The following GGTA1 variants were observed in gnomAD, a reference collection of about 807,000 sequenced individuals.
GGTA1 encodes inactive N-acetyllactosaminide alpha-1,3-galactosyltransferase.
A neutral mutation model predicts 2.6 loss-of-function variants in GGTA1; 5 were observed. That is an observed-to-expected ratio of 1.92 (90% CI 1.00 to 4.04). GGTA1 has a LOEUF of 4.04. Ranked by LOEUF, GGTA1 falls within the 30% of genes most tolerant of loss-of-function variation. The probability of loss-of-function intolerance (pLI) is 0.00; values close to 1 mark genes in which losing one functional copy is unlikely to be tolerated. For synonymous variants in GGTA1, 17 were observed against 5.0 expected (o/e 3.38, Z -3.19); for missense variants, 50 against 16.7 (o/e 2.99, Z -3.47).
Position 121,483,518 on chromosome 9 carries a change from G to A in GGTA1, c.-9-15587C>T, listed in dbSNP as rs76328533. ...TTCCTTAATTGAAAGCCAGAGAACC[G>A]TAGCAAATGAGCCTCGGGCTGGAGT... On this transcript the variant is annotated intron_variant, in intron 1 of 5. Coordinates refer to ENST00000481799, the MANE Select transcript of GGTA1 (RefSeq NM_001382585.1). 5.8e-3 allele frequency among the ~76,000 whole-genome samples: 877 copies of A among 152,300 alleles called. 8 individuals are homozygous for A. Among genetic ancestry groups the A allele is most frequent in the African/African-American group, 0.02 (817 of 41,564 alleles).
downstream of GGTA1, among the ~76,000 whole-genome samples, chr9:121,453,338 G>A (rs2064887970): frequency 6.6e-6 from 1 of 152,232 alleles, no homozygotes; most frequent in Non-Finnish European, 1.5e-5. Flanking sequence ...TGCTCAGAGA[G>A]CTGGAATGGG....
intron 2 of GGTA1, among the ~76,000 whole-genome samples, chr9:121,464,239 A>G (rs1407985438): frequency 1.3e-5 from 2 of 151,968 alleles, no homozygotes; most frequent in South Asian, 2.1e-4. Context: ...TGCCTGGTAC[A>G]TAGTGGATAC....
chr9:121,480,933 C>T (rs970695088), intron 1 of GGTA1, among the ~76,000 whole-genome samples: 8 of 151,858 alleles, frequency 5.3e-5, no homozygotes, highest in Non-Finnish European at 1.2e-4. Context: ...GCGGGTGGAC[C>T]ATGAGGTCAG....
At chr9:121,492,101 G>T (rs751259640) in intron 1 of GGTA1, among the ~76,000 whole-genome samples, 3 of 152,196 alleles carry the variant, frequency 2.0e-5, no homozygotes, top group Non-Finnish European at 4.4e-5. Context: ...TTCACAATAT[G>T]AGTCTCTGGA....
chr9:121,457,657 C>T (rs539593870), intron 5 of GGTA1, among the ~76,000 whole-genome samples: 1 of 149,564 alleles, frequency 6.7e-6, no homozygotes, highest in Non-Finnish European at 1.5e-5. Context: ...GCCGAGATTG[C>T]GCCACTGCAC....
At chr9:121,448,589 G>A (rs2064863113) in intron 7 of GGTA1, among the ~76,000 whole-genome samples, 1 of 152,122 alleles carries the variant, frequency 6.6e-6, no homozygotes, top group African/African-American at 2.4e-5. Context: ...CGGTGGCTGA[G>A]TAAATGTAGA....
chr9:121,487,364 T>A (rs541560026), intron 1 of GGTA1, among the ~76,000 whole-genome samples: 1 of 151,166 alleles, frequency 6.6e-6, no homozygotes, highest in South Asian at 2.1e-4. Flanking sequence ...GATCATGAGG[T>A]CAGGAGTTCG....
chr9:121,487,743 T>G (rs1828791781), intron 1 of GGTA1, among the ~76,000 whole-genome samples: 1 of 152,140 alleles, frequency 6.6e-6, no homozygotes, highest in Admixed American at 6.6e-5. Context: ...TGAGGTGGAA[T>G]CTCGTTCTGT....
At chr9:121,463,184 G>T in intron 3 of GGTA1, 109 bp downstream of exon 3, 1 of 424,766 alleles carries the variant, frequency 2.4e-6, no homozygotes. Flanking sequence ...CCACCCCTCC[G>T]ACTTTGGCCG....
intron 5 of GGTA1, among the ~76,000 whole-genome samples, chr9:121,456,493 C>T (rs990176157): frequency 2.0e-5 from 3 of 151,950 alleles, no homozygotes; most frequent in South Asian, 4.1e-4. Flanking sequence ...TCTTGGCTTA[C>T]TGCAACCTCT....
chr9:121,461,230 G>C (rs897223168), intron 4 of GGTA1, 22 bp downstream of exon 4: 17 of 455,876 alleles, frequency 3.7e-5, no homozygotes, highest in African/African-American at 3.2e-4. Flanking sequence ...GGCAAACACC[G>C]ACTGCTGTCT....
intron 1 of GGTA1, among the ~76,000 whole-genome samples, chr9:121,492,483 T>C (rs1828890380): frequency 6.6e-6 from 1 of 152,128 alleles, no homozygotes; most frequent in Non-Finnish European, 1.5e-5. Flanking sequence ...TTTATTTATT[T>C]TATTTTTGAG....
chr9:121,473,836 G>C (rs1273651932), intron 1 of GGTA1, among the ~76,000 whole-genome samples: 1 of 151,850 alleles, frequency 6.6e-6, no homozygotes, highest in African/African-American at 2.4e-5. Flanking sequence ...AGGATCACTA[G>C]AGCTTGGGAA....
At chr9:121,460,803 C>A (rs1303936064) in intron 4 of GGTA1, among the ~76,000 whole-genome samples, 3 of 152,130 alleles carry the variant, frequency 2.0e-5, no homozygotes, top group African/African-American at 7.2e-5. Flanking sequence ...CGAGACCACG[C>A]CACTGCACTC....
At chr9:121,482,614 T>C (rs981758974) in intron 1 of GGTA1, among the ~76,000 whole-genome samples, 2 of 151,704 alleles carry the variant, frequency 1.3e-5, no homozygotes, top group Non-Finnish European at 2.9e-5. Flanking sequence ...ACTAAAAATA[T>C]AAAAATTAGC....
intron 1 of GGTA1, among the ~76,000 whole-genome samples, chr9:121,481,425 G>A (rs1190787331): frequency 1.3e-5 from 2 of 151,956 alleles, no homozygotes; most frequent in African/African-American, 2.4e-5. Flanking sequence ...GGTGGCTCAT[G>A]CCTGTAATCC....
chr9:121,456,770 T>C (rs921899849), intron 5 of GGTA1, among the ~76,000 whole-genome samples: 3 of 151,546 alleles, frequency 2.0e-5, no homozygotes, highest in African/African-American at 7.3e-5. Context: ...ATGTGGAATA[T>C]AGGTGATCCT....
At chr9:121,454,847 T>C (rs1414914715), downstream of GGTA1, among the ~76,000 whole-genome samples, 1 of 152,074 alleles carries the variant, frequency 6.6e-6, no homozygotes, top group Non-Finnish European at 1.5e-5. Context: ...ACCCTGTCTC[T>C]ACTAAAAAAA....
At chr9:121,484,545 A>G (rs1828717932) in intron 1 of GGTA1, among the ~76,000 whole-genome samples, 1 of 152,100 alleles carries the variant, frequency 6.6e-6, no homozygotes, top group Non-Finnish European at 1.5e-5. Flanking sequence ...CAGCCTCCCA[A>G]AGTACTGGGA....
Sources: gnomAD v4.1 joint callset for allele counts (sites outside exome capture counted in the v4.1 genomes callset) on GRCh38, gnomAD v4.1.1 for gene constraint, MANE v1.5 for transcripts, NCBI Gene and HGNC (gene_info 2026-07-23, HGNC 2026-07-21) for gene names.